Variants in AHCYL2 observed in about 807,000 individuals in gnomAD.
AHCYL2 encodes the protein S-adenosylhomocysteine hydrolase-like protein 2.
AHCYL2 carries 28 observed loss-of-function variants against 81.4 expected under a neutral mutation model. The observed-to-expected ratio is 0.34, with a 90% confidence interval of 0.25 to 0.47. The LOEUF is 0.47. Among genes scored for constraint, AHCYL2 ranks in the 20% least tolerant of loss-of-function variants. The pLI is 1.00. For missense variants in AHCYL2, 551 were observed against 785.1 expected (o/e 0.70, Z 3.56); for synonymous variants, 272 against 290.2 (o/e 0.94, Z 0.64).
intron 1 of AHCYL2, among the ~76,000 whole-genome samples, chr7:129,225,643 G>A (rs1343635431): frequency 1.3e-5 from 2 of 152,132 alleles, no homozygotes; most frequent in Non-Finnish European, 2.9e-5. Context: ...AGGCACGGCC[G>A]TACTTCGCTC....
At chr7:129,318,966 C>G (rs1797921560) in intron 1 of AHCYL2, among the ~76,000 whole-genome samples, 1 of 151,366 alleles carries the variant, frequency 6.6e-6, no homozygotes, top group South Asian at 2.1e-4. Context: ...ATGGCAAAAA[C>G]TACTATAAGC....
chr7:129,366,741 A>G (rs1270472379), intron 1 of AHCYL2, among the ~76,000 whole-genome samples: 1 of 149,406 alleles, frequency 6.7e-6, no homozygotes, highest in Non-Finnish European at 1.5e-5. Context: ...ACGCCATTGC[A>G]CTCCAGCCTG....
chr7:129,374,169 C>T (rs1351517487), intron 1 of AHCYL2, among the ~76,000 whole-genome samples: 1 of 152,080 alleles, frequency 6.6e-6, no homozygotes, highest in Non-Finnish European at 1.5e-5. Flanking sequence ...GAGGCTAGTA[C>T]ACCTAGGACT....
At chr7:129,270,782 C>G (rs968070178) in intron 1 of AHCYL2, among the ~76,000 whole-genome samples, 5 of 152,136 alleles carry the variant, frequency 3.3e-5, no homozygotes, top group African/African-American at 1.2e-4. Flanking sequence ...AACATTTGCC[C>G]CATGGCATAG....
chr7:129,325,771 G>C (rs1391452205), intron 1 of AHCYL2, among the ~76,000 whole-genome samples: 1 of 151,480 alleles, frequency 6.6e-6, no homozygotes, highest in Non-Finnish European at 1.5e-5. Flanking sequence ...GCCCAGGCTG[G>C]AGTGTAGTTG....
intron 4 of AHCYL2, among the ~76,000 whole-genome samples, chr7:129,396,767 T>C (rs1250513990): frequency 1.3e-5 from 2 of 152,174 alleles, no homozygotes; most frequent in Non-Finnish European, 2.9e-5. Context: ...TTGTCCAGGC[T>C]GGAGTGCAGT....
intron 1 of AHCYL2, among the ~76,000 whole-genome samples, chr7:129,226,019 A>G (rs1250487485): frequency 6.6e-6 from 1 of 152,150 alleles, no homozygotes; most frequent in African/African-American, 2.4e-5. Flanking sequence ...TCTTCCCTGA[A>G]TATGTAAAAG....
chr7:129,259,853 G>A (rs1279157597), intron 1 of AHCYL2, among the ~76,000 whole-genome samples: 1 of 152,162 alleles, frequency 6.6e-6, no homozygotes, highest in Non-Finnish European at 1.5e-5. Flanking sequence ...GAAGCAGGCA[G>A]ATCATCTGAG....
At chr7:129,376,044 G>A (rs1289275844) in intron 1 of AHCYL2, 2 of 1,293,324 alleles carry the variant, frequency 1.5e-6, no homozygotes, top group Non-Finnish European at 2.1e-6. Context: ...TCTGGCATAA[G>A]GTGAGCTACC....
At chr7:129,398,627 C>T (rs1020053057) in intron 5 of AHCYL2, among the ~76,000 whole-genome samples, 3 of 151,562 alleles carry the variant, frequency 2.0e-5, no homozygotes, top group Non-Finnish European at 4.4e-5. Context: ...GATCTGCCTG[C>T]CTCGGCCTCC....
At chr7:129,322,213 C>T (rs913894015) in intron 1 of AHCYL2, among the ~76,000 whole-genome samples, 1 of 152,164 alleles carries the variant, frequency 6.6e-6, no homozygotes, top group African/African-American at 2.4e-5. Context: ...GATCTTGGCT[C>T]ACTGCAACCT....
chr7:129,306,732 T>C (rs1157011016), intron 1 of AHCYL2, among the ~76,000 whole-genome samples: 1 of 152,198 alleles, frequency 6.6e-6, no homozygotes, highest in Non-Finnish European at 1.5e-5. Flanking sequence ...CCTGTGCTTC[T>C]TGGGAAGGCT....
intron 1 of AHCYL2, among the ~76,000 whole-genome samples, chr7:129,292,483 A>G (rs1370763760): frequency 6.6e-6 from 1 of 152,112 alleles, no homozygotes; most frequent in South Asian, 2.1e-4. Context: ...AAATGATGTT[A>G]AGGCTGGGCA....
rs1321599770 is a variant in AHCYL2 at position 129,265,243 on chromosome 7, T to G, written c.363+39804T>G. On this transcript the variant is annotated intron_variant, in intron 1 of 16. Coordinates refer to ENST00000325006, the MANE Select transcript of AHCYL2 (RefSeq NM_015328.4). ...AAGATGACTGCTGGAGCTCAGGGCA[T>G]TATTTCAGCATTATATGAAGCAAGA... Among the ~76,000 whole-genome samples, 3 of 152,148 alleles carry G rather than the reference T, an allele frequency of 2.0e-5. No homozygotes were observed. The East Asian group carries it at 5.8e-4, about 29-fold the overall frequency.
At chr7:129,324,685 T>G (rs1226673082) in intron 1 of AHCYL2, among the ~76,000 whole-genome samples, 1 of 152,080 alleles carries the variant, frequency 6.6e-6, no homozygotes, top group Non-Finnish European at 1.5e-5. Context: ...CCGGCTAATT[T>G]TTTGTGTTTT....
chr7:129,393,235 G>A (rs575959923), intron 4 of AHCYL2, among the ~76,000 whole-genome samples: 1 of 152,272 alleles, frequency 6.6e-6, no homozygotes, highest in African/African-American at 2.4e-5. Context: ...TAGGCAACAT[G>A]GTAAAACCCC....
At chr7:129,374,403 C>T (rs73721721) in intron 1 of AHCYL2, among the ~76,000 whole-genome samples, 2,062 of 152,126 alleles carry the variant, frequency 0.014, 48 homozygotes, top group African/African-American at 0.048. Context: ...GTAACATATA[C>T]ACAGAACTGT....
chr7:129,325,262 C>T (rs929798643), intron 1 of AHCYL2, among the ~76,000 whole-genome samples: 1 of 151,884 alleles, frequency 6.6e-6, no homozygotes, highest in Non-Finnish European at 1.5e-5. Flanking sequence ...CTGTATTTTG[C>T]CTTTGTTTTT....
rs368634295 is a variant in AHCYL2, at chr7:129,372,662, A to G, written c.364-6976A>G. On this transcript the variant is annotated intron_variant, in intron 1 of 16. Coordinates refer to ENST00000325006, the MANE Select transcript of AHCYL2 (RefSeq NM_015328.4). ...ATCTCTACTAAAAAGTACAAAAAAA[A>G]ATAAGCCAGGCATGGTTGGTGTGCT... Among the ~76,000 whole-genome samples the G allele has an allele frequency of 3.3e-5, 5 of 152,254 alleles. No homozygotes were observed. The East Asian group carries it at 5.8e-4, about 18-fold the overall frequency.
Sources: gnomAD v4.1 joint callset for allele counts (sites outside exome capture counted in the v4.1 genomes callset) on GRCh38, gnomAD v4.1.1 for gene constraint, MANE v1.5 for transcripts, NCBI Gene and HGNC (gene_info 2026-07-23, HGNC 2026-07-21) for gene names.